Variants in NRG1 observed in about 807,000 individuals in gnomAD.
NRG1 encodes the protein pro-neuregulin-1, membrane-bound isoform.
NRG1 carries 18 observed loss-of-function variants against 63.8 expected under a neutral mutation model. The ratio of observed to expected loss-of-function variants is 0.28; its 90% CI spans 0.19 to 0.42. The LOEUF (loss-of-function observed/expected upper bound fraction) is 0.42, where lower values mean the gene tolerates loss of function less well. Ranked by LOEUF, NRG1 falls within the 10% of genes least tolerant of loss-of-function variation. The probability of loss-of-function intolerance (pLI) is 1.00; values close to 1 mark genes in which losing one functional copy is unlikely to be tolerated. For missense variants in NRG1, 762 were observed against 814.7 expected (o/e 0.94, Z 0.79); for synonymous variants, 302 against 301.3 (o/e 1.00, Z -0.02).
chr8:32,526,865 C>A (rs1244652211), intron 1 of NRG1, among the ~76,000 whole-genome samples: 2 of 152,118 alleles, frequency 1.3e-5, no homozygotes, highest in South Asian at 2.1e-4. Context: ...TCTCATTTTT[C>A]TTCCTTTTGG....
chr8:31,972,925 T>A (rs1295577926), intron 1 of NRG1, among the ~76,000 whole-genome samples: 1 of 152,224 alleles, frequency 6.6e-6, no homozygotes, highest in African/African-American at 2.4e-5. Context: ...AAAAAAGTTC[T>A]CTTTATATGT....
chr8:32,348,975 A>G (rs551483837), intron 1 of NRG1, among the ~76,000 whole-genome samples: 1 of 152,360 alleles, frequency 6.6e-6, no homozygotes, highest in African/African-American at 2.4e-5. Context: ...TGCACTTAGT[A>G]GGTGTTCAAT....
intron 1 of NRG1, among the ~76,000 whole-genome samples, chr8:32,360,518 C>A (rs575558211): frequency 6.6e-6 from 1 of 152,158 alleles, no homozygotes; most frequent in South Asian, 2.1e-4. Context: ...ATAGCATGTT[C>A]TTTTTCTGAA....
In NRG1 at chr8:31,664,096, GGTT is replaced by G. The variant is rs1444664282; in HGVS notation, c.37+24669_37+24671del. Reference sequence around the variant, plus strand: ...ACTGTTTTTCTATGTTGTGTTCATTGGTTGTTTTTGTCTGTCTAGTACCAAACT... The same window carrying G: ...ACTGTTTTTCTATGTTGTGTTCATTGGTTTTTGTCTGTCTAGTACCAAACT... On this transcript the variant is annotated intron_variant, in intron 1 of 10. Transcript: ENST00000519301. Among the ~76,000 whole-genome samples, 3 of 151,984 alleles carry G rather than the reference GGTT, an allele frequency of 2.0e-5. No homozygotes were observed. In the East Asian group the frequency reaches 5.8e-4, roughly 29 times the overall value.
chr8:31,841,263 C>T (rs1826178173), intron 1 of NRG1, among the ~76,000 whole-genome samples: 1 of 151,960 alleles, frequency 6.6e-6, no homozygotes, highest in Non-Finnish European at 1.5e-5. Context: ...TCTGGAGAGA[C>T]ACAGCAGAAG....
In NRG1 at chr8:32,742,620, A is replaced by T; in HGVS notation, c.633-55A>T. The T allele has an allele frequency of 1.3e-6, 2 of 1,500,342 alleles. No homozygotes were observed. Among genetic ancestry groups the T allele is most frequent in the Non-Finnish European group, 9.3e-7 (1 of 1,079,586 alleles). The allele number at this position is 1,500,342 out of a possible 1,614,324, so 92.9% of individuals were successfully genotyped here. On this transcript the variant is annotated intron_variant, in intron 6 of 11. Transcript: ENST00000356819. This position sits in a 1 kb window ranked among gnomAD's most constrained non-coding sequence, Gnocchi z 4.2. ...AGGAGCTTCTTTCTAGCATATATTC[A>T]CCTCTTCTCTTTTTCTCTGTTTTTC...
At position 32,631,993 on chromosome 8, in the gene NRG1, T is replaced by C. The variant is rs1850398578; in HGVS notation, c.502+15108T>C. On this transcript the variant is annotated intron_variant, in intron 5 of 11. Coordinates refer to ENST00000356819, the Ensembl canonical transcript of NRG1. ...GTATAACAAATTATTCAATTTGTAATGAAAAAGGTAAATGCTGTGTTAATA... is the reference window on the plus strand; with the variant it reads ...GTATAACAAATTATTCAATTTGTAACGAAAAAGGTAAATGCTGTGTTAATA... Among the ~76,000 whole-genome samples, 4 of 152,140 alleles carry C rather than the reference T, an allele frequency of 2.6e-5. No individual in the cohort carries two copies. The South Asian group carries it at 8.3e-4, about 32-fold the overall frequency.
intron 5 of NRG1, chr8:32,647,632 G>A (rs890700555): frequency 7.7e-5 from 114 of 1,479,932 alleles, no homozygotes; most frequent in Middle Eastern, 2.3e-4. Flanking sequence ...ATTTCCCCCT[G>A]TAAGATGCTG....
At chr8:32,503,004 A>C (rs1828045720) in intron 1 of NRG1, among the ~76,000 whole-genome samples, 1 of 152,056 alleles carries the variant, frequency 6.6e-6, no homozygotes, top group South Asian at 2.1e-4. Context: ...AGTCAAAAGT[A>C]GCCGGGCGCA....
intron 1 of NRG1, among the ~76,000 whole-genome samples, chr8:32,389,042 G>A (rs73677016): frequency 0.02 from 2,980 of 152,208 alleles, 98 homozygotes; most frequent in African/African-American, 0.063. Context: ...AAAATATAAA[G>A]GGTGTTTTAT....
chr8:31,756,459 T>G (rs930666311), intron 1 of NRG1, among the ~76,000 whole-genome samples: 2 of 152,078 alleles, frequency 1.3e-5, no homozygotes, highest in African/African-American at 2.4e-5. Flanking sequence ...CTGACCCTGT[T>G]GACTGAGGAA....
intron 1 of NRG1, among the ~76,000 whole-genome samples, chr8:31,956,258 G>C (rs1049629220): frequency 1.3e-5 from 2 of 152,074 alleles, no homozygotes; most frequent in Non-Finnish European, 2.9e-5. Context: ...GTGCTGATAA[G>C]TATGAGGTAA....
intron 6 of NRG1, among the ~76,000 whole-genome samples, chr8:32,729,457 G>A (rs1823085841): frequency 6.6e-6 from 1 of 152,164 alleles, no homozygotes; most frequent in African/African-American, 2.4e-5. Flanking sequence ...ATGCAGTGGG[G>A]ACATTATTCT....
chr8:31,856,852 T>G (rs929946204), intron 1 of NRG1, among the ~76,000 whole-genome samples: 5 of 152,116 alleles, frequency 3.3e-5, no homozygotes, highest in Middle Eastern at 3.4e-3. Flanking sequence ...TCAGCTGCAC[T>G]TCTGTTGGAG....
intron 1 of NRG1, among the ~76,000 whole-genome samples, chr8:31,817,856 T>G (rs572788299): frequency 1.3e-5 from 2 of 152,348 alleles, no homozygotes; most frequent in East Asian, 1.9e-4. Flanking sequence ...ATTAGAGAAC[T>G]TTTGAATTAT....
chr8:31,723,987 T>C (rs1348734025), intron 1 of NRG1, among the ~76,000 whole-genome samples: 1 of 152,116 alleles, frequency 6.6e-6, no homozygotes, highest in East Asian at 1.9e-4. Context: ...TCCTGGATTT[T>C]AGTCAGTATT....
At chr8:32,064,188 CA>C (rs1218020086) in intron 1 of NRG1, among the ~76,000 whole-genome samples, 2 of 151,976 alleles carry the variant, frequency 1.3e-5, no homozygotes, top group Non-Finnish European at 2.9e-5. Flanking sequence ...ACCAGAGCAA[CA>C]AAAAGGAGAA....
At chr8:32,219,873 A>G (rs1321899561) in intron 1 of NRG1, among the ~76,000 whole-genome samples, 1 of 152,200 alleles carries the variant, frequency 6.6e-6, no homozygotes, top group Non-Finnish European at 1.5e-5. Context: ...ATGTAGCCTA[A>G]GAGATTTTTC....
intron 1 of NRG1, among the ~76,000 whole-genome samples, chr8:32,398,465 C>T (rs1271375565): frequency 6.6e-6 from 1 of 150,432 alleles, no homozygotes; most frequent in Non-Finnish European, 1.5e-5. Flanking sequence ...GGCTGGAGTG[C>T]AATGGTGCAA....
Sources: gnomAD v4.1 joint callset for allele counts (sites outside exome capture counted in the v4.1 genomes callset) on GRCh38, gnomAD v4.1.1 for gene constraint, Gnocchi (gnomAD v3.1) non-coding constraint, MANE v1.5 for transcripts, NCBI Gene and HGNC (gene_info 2026-07-23, HGNC 2026-07-21) for gene names.